Variants in VAMP7 observed in about 807,000 individuals in gnomAD.
VAMP7 encodes vesicle associated membrane protein 7, also known as vesicle-associated membrane protein 7.
In VAMP7, 14 loss-of-function variants were observed where a neutral mutation model predicts 29.6. The ratio of observed to expected loss-of-function variants is 0.47; its 90% confidence interval spans 0.31 to 0.74. The LOEUF (loss-of-function observed/expected upper bound fraction) is 0.74, where lower values mean the gene tolerates loss of function less well. VAMP7 is among the 30% of genes least tolerant of loss of function. VAMP7 has a pLI of 0.05. For missense variants in VAMP7, 223 were observed against 262.4 expected (o/e 0.85, Z 1.04); for synonymous variants, 95 against 88.1 (o/e 1.08, Z -0.44).
chrX:155,910,432 C>A (rs182993872), intron 5 of VAMP7, among the ~76,000 whole-genome samples: 2 of 152,186 alleles, frequency 1.3e-5, no homozygotes, highest in East Asian at 3.9e-4. Flanking sequence ...TGCAGATATC[C>A]CGTCTATACA....
At chrX:155,904,370 TAAA>T (rs1158687831) in intron 5 of VAMP7, among the ~76,000 whole-genome samples, 1 of 69,450 alleles carries the variant, frequency 1.4e-5, no homozygotes, top group Non-Finnish European at 2.8e-5. Flanking sequence ...TAAAATAAAA[TAAA>T]AAAAGCAAAT....
At chrX:155,884,767 A>G (rs1333761007) in intron 1 of VAMP7, among the ~76,000 whole-genome samples, 1 of 152,256 alleles carries the variant, frequency 6.6e-6, no homozygotes, top group Non-Finnish European at 1.5e-5. Context: ...ATACAAATGC[A>G]GAATTAAAAG....
intron 1 of VAMP7, among the ~76,000 whole-genome samples, chrX:155,882,420 A>G (rs2124204164): frequency 6.6e-6 from 1 of 152,330 alleles, no homozygotes; most frequent in South Asian, 2.1e-4. Flanking sequence ...CTATCCTAAG[A>G]AAGTCAGAGG....
chrX:155,903,931 A>C (rs1393490014), intron 5 of VAMP7, among the ~76,000 whole-genome samples: 1 of 152,062 alleles, frequency 6.6e-6, no homozygotes, highest in Non-Finnish European at 1.5e-5. Flanking sequence ...CAGTATTCAC[A>C]ATAGCAAAGA....
chrX:155,937,870 C>T (rs996110217), intron 6 of VAMP7, among the ~76,000 whole-genome samples: 1 of 152,118 alleles, frequency 6.6e-6, no homozygotes, highest in Non-Finnish European at 1.5e-5. Context: ...TTTGCTTGAT[C>T]AGTTTTCCGT....
chrX:155,904,314 C>G lies in VAMP7; in HGVS notation c.433+3727C>G, dbSNP rs1010591736. Among the ~76,000 whole-genome samples, 123 of 151,650 alleles carry G rather than the reference C, an allele frequency of 8.1e-4. 1 individual carries two copies. Among genetic ancestry groups the G allele is most frequent in the Admixed American group, 2.6e-3 (39 of 15,208 alleles). On this transcript the variant is annotated intron_variant, in intron 5 of 7. Coordinates refer to ENST00000286448, the MANE Select transcript of VAMP7 (RefSeq NM_005638.6). ...GCACATGTATACATATGTAACAAAC[C>G]TGCACATTGTGCACATGTACCCTAA...
At chrX:155,887,342 A>G (rs2065876898) in intron 1 of VAMP7, among the ~76,000 whole-genome samples, 1 of 152,066 alleles carries the variant, frequency 6.6e-6, no homozygotes, top group Non-Finnish European at 1.5e-5. Context: ...CCCGGAGGAA[A>G]GTCGACATTT....
chrX:155,941,935 G>A lies in VAMP7; in HGVS notation c.647G>A (p.Ser216Asn), dbSNP rs1324136728. The change falls in exon 8 of 8, where the codon AGC becomes AAC. Residue 216 changes from serine to asparagine, a missense_variant. Physicochemically the swap from Ser to Asn is conservative, Grantham distance 46. Transcript: ENST00000286448. ...SPLCGGFTWPSCVKK is the reference protein window; with the variant it reads ...SPLCGGFTWPNCVKK ...CTCTGTGGTGGATTTACATGGCCAA[G>A]CTGTGTGAAGAAATAGGAAAGAAGA... is the stretch of plus-strand genomic sequence containing the variant. 6.2e-7 allele frequency: 1 copy of A among 1,613,744 alleles called. No homozygotes were observed. Among genetic ancestry groups the A allele is most frequent in the East Asian group, 2.2e-5 (1 of 44,860 alleles).
intron 1 of VAMP7, among the ~76,000 whole-genome samples, chrX:155,887,821 C>A (rs2065882393): frequency 6.6e-6 from 1 of 151,706 alleles, no homozygotes; most frequent in Admixed American, 6.6e-5. Flanking sequence ...GTCCCAGATA[C>A]TCCAGAGGCT....
At chrX:155,901,397 G>C (rs1212281294) in intron 5 of VAMP7, among the ~76,000 whole-genome samples, 1 of 151,898 alleles carries the variant, frequency 6.6e-6, no homozygotes, top group Non-Finnish European at 1.5e-5. Flanking sequence ...TTGCCCGAAA[G>C]TGGAGGCAGA....
At chrX:155,941,739 TTGTTTAGTG>T (rs2066746583) in intron 7 of VAMP7, 135 bp from the exon 8 acceptor site, 1 of 1,006,520 alleles carries the variant, frequency 9.9e-7, no homozygotes, top group Non-Finnish European at 1.4e-6. Flanking sequence ...TGGAAAATAC[TTGTTTAGTG>T]TGTTCCATTA....
chrX:155,908,607 T>C (rs779531876), intron 5 of VAMP7, among the ~76,000 whole-genome samples: 1 of 86,212 alleles, frequency 1.2e-5, no homozygotes, highest in South Asian at 3.4e-4. Context: ...TTTCTTTTCT[T>C]GTGATGTCTT....
At chrX:155,884,122 A>T (rs1367770144) in intron 1 of VAMP7, among the ~76,000 whole-genome samples, 5 of 151,816 alleles carry the variant, frequency 3.3e-5, no homozygotes, top group Non-Finnish European at 1.5e-5. Context: ...CAAGTATTAA[A>T]ATTAAACTTT....
rs146727889 is a variant in VAMP7 at position 155,883,138 on chromosome X, G to A, written c.-10+1690G>A. ...TATACCTCTAGTGTCTACTTTGACTGTCATATAGTAACCCACCAGTATATA... is the reference window on the plus strand; with the variant it reads ...TATACCTCTAGTGTCTACTTTGACTATCATATAGTAACCCACCAGTATATA... On this transcript the variant is annotated intron_variant, in intron 1 of 7. Coordinates refer to ENST00000286448, the MANE Select transcript of VAMP7 (RefSeq NM_005638.6). Among the ~76,000 whole-genome samples, 1,360 of 152,228 alleles carry A rather than the reference G, an allele frequency of 8.9e-3. 22 individuals carry two copies. Among genetic ancestry groups the A allele is most frequent in the African/African-American group, 0.031 (1,284 of 41,532 alleles).
At chrX:155,885,312 C>T (rs1229136553) in intron 1 of VAMP7, among the ~76,000 whole-genome samples, 16 of 151,932 alleles carry the variant, frequency 1.1e-4, no homozygotes, top group Admixed American at 5.9e-4. Flanking sequence ...GCAAGGAAAA[C>T]GAAGGGACAG....
intron 5 of VAMP7, among the ~76,000 whole-genome samples, chrX:155,911,620 G>C (rs2066238928): frequency 6.6e-6 from 1 of 151,702 alleles, no homozygotes; most frequent in East Asian, 1.9e-4. Context: ...GTCATCTTCA[G>C]TTTTTTTCAT....
chrX:155,933,004 T>C (rs1247265007), intron 6 of VAMP7, among the ~76,000 whole-genome samples: 1 of 152,190 alleles, frequency 6.6e-6, no homozygotes, highest in Non-Finnish European at 1.5e-5. Context: ...CTGGATTACA[T>C]TTATTGATTT....
At chrX:155,885,079 G>A (rs936508949) in intron 1 of VAMP7, among the ~76,000 whole-genome samples, 19 of 152,070 alleles carry the variant, frequency 1.2e-4, no homozygotes, top group African/African-American at 4.3e-4. Flanking sequence ...TAGTGGACTC[G>A]AAGACCTTCC....
At chrX:155,889,839 G>GA (rs369142440) in intron 2 of VAMP7, among the ~76,000 whole-genome samples, 1 of 404 alleles carries the variant, frequency 2.5e-3, no homozygotes, top group African/African-American at 0.01. Flanking sequence ...GAAGAAAGAT[G>GA]AAATGTTAAA....
Sources: gnomAD v4.1 joint callset for allele counts (sites outside exome capture counted in the v4.1 genomes callset) on GRCh38, gnomAD v4.1.1 for gene constraint, MANE v1.5 for transcripts, NCBI Gene and HGNC (gene_info 2026-07-23, HGNC 2026-07-21) for gene names.